Variants in DYNLT2 observed in about 807,000 individuals in gnomAD.
DYNLT2 encodes dynein light chain Tctex-type 2, also known as dynein light chain Tctex-type protein 2.
A neutral mutation model predicts 24.3 loss-of-function variants in DYNLT2; 24 were observed. That is an observed-to-expected ratio of 0.99 (90% CI 0.71 to 1.39). The LOEUF is 1.39. DYNLT2 is among the 40% of genes most tolerant of loss of function. DYNLT2 has a pLI of 0.00. For synonymous variants in DYNLT2, 85 were observed against 85.4 expected (o/e 1.00, Z 0.03); for missense variants, 246 against 234.5 (o/e 1.05, Z -0.32).
chr6:169,744,305 A>G, intron 1 of DYNLT2, 31 bp from the exon 2 acceptor site: 1 of 1,576,164 alleles, frequency 6.3e-7, no homozygotes. Flanking sequence ...GGAAGAGAGA[A>G]AGGCAGAAAG....
the DYNLT2 span, among the ~76,000 whole-genome samples, chr6:169,729,742 C>G: frequency 6.6e-6 from 1 of 152,114 alleles, no homozygotes; most frequent in African/African-American, 2.4e-5. Context: ...AATATCCTTT[C>G]AAAAAGAAGA....
At chr6:169,740,895 A>G (rs1789664507) in intron 3 of DYNLT2, among the ~76,000 whole-genome samples, 1 of 148,264 alleles carries the variant, frequency 6.7e-6, no homozygotes, top group South Asian at 2.2e-4. Flanking sequence ...TGCAACCTCC[A>G]CCTCCTGAGT....
chr6:169,747,275 G>A (rs1789828433), intron 1 of DYNLT2, among the ~76,000 whole-genome samples: 1 of 151,904 alleles, frequency 6.6e-6, no homozygotes, highest in Non-Finnish European at 1.5e-5. Context: ...ATTATTCTAT[G>A]TCTTGGCATA....
chr6:169,725,149 C>G, the DYNLT2 span: 1 of 398,590 alleles, frequency 2.5e-6, no homozygotes, highest in Non-Finnish European at 4.4e-6. Context: ...TAGGACCGCA[C>G]TAAAAACAGC....
downstream of DYNLT2, among the ~76,000 whole-genome samples, chr6:169,736,262 G>A (rs565362031): frequency 1.8e-4 from 28 of 151,852 alleles, no homozygotes; most frequent in African/African-American, 5.6e-4. Flanking sequence ...GTGTTGACTC[G>A]TTATCCAATT....
chr6:169,735,946 T>C (rs908057846), downstream of DYNLT2, among the ~76,000 whole-genome samples: 1 of 152,182 alleles, frequency 6.6e-6, no homozygotes, highest in Admixed American at 6.5e-5. Context: ...TCTAAGCATA[T>C]GTTTTATGAA....
chr6:169,725,340 G>C, the DYNLT2 span: 9 of 398,548 alleles, frequency 2.3e-5, no homozygotes, highest in Admixed American at 8.8e-5. Context: ...ACAAAAGTTG[G>C]GAAAGATAAA....
At chr6:169,743,030 A>T (rs1457180812) in intron 3 of DYNLT2, 50 bp downstream of exon 3, 2 of 1,369,508 alleles carry the variant, frequency 1.5e-6, no homozygotes, top group Admixed American at 2.4e-5. Context: ...ACTAGGGAGG[A>T]GATGCCTTAT....
intron 1 of DYNLT2, among the ~76,000 whole-genome samples, chr6:169,748,601 T>C (rs970339831): frequency 7.2e-5 from 11 of 152,212 alleles, no homozygotes; most frequent in Non-Finnish European, 1.2e-4. Flanking sequence ...AAAGCAGCAT[T>C]ATTAGCTCCC....
Position 169,751,387 on chromosome 6 carries a change from C to T in DYNLT2, c.72G>A (p.Pro24=), listed in dbSNP as rs1463087093. The T allele has an allele frequency of 8.1e-6, 13 of 1,614,184 alleles. No individual in the cohort carries two copies. Among genetic ancestry groups the T allele is most frequent in the South Asian group, 4.4e-5 (4 of 91,086 alleles). The change falls in exon 1 of 4, where the codon CCG becomes CCA. Residue 24 remains proline, a synonymous_variant. Transcript: ENST00000366774. ...GCCTCCTTTCTTTCCTAGGCGTCAC[C>T]GGAGCCTGCTGAGGGGTCTGGTTCG... ...QTPNQTPQQA[P]VTPRKERRPS... is the part of the protein sequence containing the mutation.
At chr6:169,740,528 G>A (rs769523974) in intron 3 of DYNLT2, among the ~76,000 whole-genome samples, 9 of 152,126 alleles carry the variant, frequency 5.9e-5, no homozygotes, top group Non-Finnish European at 1.3e-4. Context: ...GGCTCCCTTA[G>A]CTGTGTTTCC....
Position 169,749,267 on chromosome 6 carries a change from A to G in DYNLT2, c.120+2072T>C, listed in dbSNP as rs527448130. Among the ~76,000 whole-genome samples, 7 of 152,100 alleles carry G rather than the reference A, an allele frequency of 4.6e-5. No individual in the cohort carries two copies. The East Asian group carries it at 1.4e-3, about 29-fold the overall frequency. ...AGGTGCCTACCACCAAGCCCGGCTA[A>G]TTTTTGTATTTTTAGTAGAGACGGG... On this transcript the variant is annotated intron_variant, in intron 1 of 3. Coordinates refer to ENST00000366774, the MANE Select transcript of DYNLT2 (RefSeq NM_174910.3).
intron 3 of DYNLT2, among the ~76,000 whole-genome samples, chr6:169,742,632 T>C (rs1789703464): frequency 6.6e-6 from 1 of 152,090 alleles, no homozygotes; most frequent in African/African-American, 2.4e-5. Flanking sequence ...TTTTTTTGAG[T>C]CTGTTGCCCA....
chr6:169,737,862 GA>G (rs1056517865), downstream of DYNLT2, among the ~76,000 whole-genome samples: 6 of 152,098 alleles, frequency 3.9e-5, no homozygotes, highest in East Asian at 1.9e-4. Flanking sequence ...TTCACTGGGG[GA>G]AACCCACTTG....
downstream of DYNLT2, among the ~76,000 whole-genome samples, chr6:169,737,276 T>C (rs1789580950): frequency 6.6e-6 from 1 of 152,308 alleles, no homozygotes; most frequent in African/African-American, 2.4e-5. Context: ...CATTAGTTGA[T>C]CATAATTTTT....
downstream of DYNLT2, among the ~76,000 whole-genome samples, chr6:169,739,527 C>T (rs1160734150): frequency 1.3e-5 from 2 of 152,028 alleles, no homozygotes; most frequent in Non-Finnish European, 2.9e-5. Context: ...GATCCTTGAT[C>T]AAATCCCTGG....
chr6:169,751,230 T>G, intron 1 of DYNLT2, 109 bp downstream of exon 1: 1 of 1,471,012 alleles, frequency 6.8e-7, no homozygotes, highest in Non-Finnish European at 9.1e-7. Context: ...AGGGAGATGC[T>G]GCCTCCTTGG....
At chr6:169,730,660 C>T in the DYNLT2 span, among the ~76,000 whole-genome samples, 1 of 152,048 alleles carries the variant, frequency 6.6e-6, no homozygotes. Flanking sequence ...TTTGGGAGGC[C>T]GAGGCGGGCG....
chr6:169,741,452 A>G (rs900481344), intron 3 of DYNLT2, among the ~76,000 whole-genome samples: 7 of 152,204 alleles, frequency 4.6e-5, no homozygotes, highest in African/African-American at 1.7e-4. Context: ...CTACAAGTGC[A>G]TCAGTGAGAC....
Sources: allele counts gnomAD v4.1 joint callset (sites outside exome capture counted in the v4.1 genomes callset), GRCh38; gene constraint gnomAD v4.1.1; transcripts MANE v1.5; gene names NCBI Gene and HGNC (gene_info 2026-07-23, HGNC 2026-07-21).